TMTC1: variants seen among roughly 807,000 people sequenced by gnomAD.
TMTC1 encodes the protein transmembrane O-mannosyltransferase targeting cadherins 1.
Under a neutral mutation model 104.8 loss-of-function variants are expected in TMTC1, and 73 were observed. That is an observed-to-expected ratio of 0.70 (90% CI 0.58 to 0.85). The LOEUF is 0.85. TMTC1 is among the 40% of genes least tolerant of loss of function. TMTC1 has a pLI of 0.00. For missense variants in TMTC1, 1,035 were observed against 1,096.1 expected, an observed-to-expected ratio of 0.94 and a Z score of 0.79; for synonymous variants, 434 against 428.7, an observed-to-expected ratio of 1.01 and a Z score of -0.15.
intron 5 of TMTC1, among the ~76,000 whole-genome samples, chr12:29,686,963 T>A (rs1445380860): frequency 6.6e-6 from 1 of 151,600 alleles, no homozygotes; most frequent in Non-Finnish European, 1.5e-5. Context: ...CATGTTTTAA[T>A]ACATATGAGT....
intron 6 of TMTC1, among the ~76,000 whole-genome samples, chr12:29,606,453 G>A (rs1353599524): frequency 6.6e-6 from 1 of 152,158 alleles, no homozygotes; most frequent in Non-Finnish European, 1.5e-5. Context: ...CTTGTCAAAT[G>A]TTCCTCATTC....
intron 9 of TMTC1, chr12:29,568,797 G>A (rs939997097): frequency 5.0e-6 from 2 of 397,902 alleles, no homozygotes; most frequent in African/African-American, 4.2e-5. Context: ...GGCATTTCTT[G>A]GGAGTTTTTG....
At chr12:29,731,637 G>T (rs574957926) in intron 5 of TMTC1, among the ~76,000 whole-genome samples, 2 of 3,360 alleles carry the variant, frequency 6.0e-4, no homozygotes, top group African/African-American at 2.5e-3. Context: ...TAAATAACTC[G>T]ATAAGCAAGT....
chr12:29,692,320 G>A (rs1941290962), intron 5 of TMTC1, among the ~76,000 whole-genome samples: 1 of 143,394 alleles, frequency 7.0e-6, no homozygotes, highest in Non-Finnish European at 1.5e-5. Flanking sequence ...TCTATTGTTT[G>A]TTCTATGCCA....
intron 4 of TMTC1, 51 bp from the exon 5 acceptor site, chr12:29,751,923 T>G (rs1943101159): frequency 1.4e-6 from 2 of 1,472,212 alleles, no homozygotes; most frequent in Non-Finnish European, 1.8e-6. Flanking sequence ...ATGACAAGGC[T>G]TACAACAACC....
intron 5 of TMTC1, among the ~76,000 whole-genome samples, chr12:29,695,828 T>TATATATATAA (rs1243156784): frequency 1.9e-5 from 2 of 106,176 alleles, no homozygotes; most frequent in South Asian, 6.0e-4. Context: ...TATATATATA[T>TATATATATAA]AACCTGTCTT....
intron 5 of TMTC1, among the ~76,000 whole-genome samples, chr12:29,717,550 T>C (rs774925341): frequency 2.0e-5 from 3 of 152,244 alleles, no homozygotes; most frequent in Non-Finnish European, 2.9e-5. Context: ...TAATGCACAG[T>C]TTCACAAACC....
At chr12:29,618,269 A>T (rs1168393342) in intron 6 of TMTC1, among the ~76,000 whole-genome samples, 3 of 152,202 alleles carry the variant, frequency 2.0e-5, no homozygotes, top group Non-Finnish European at 4.4e-5. Context: ...TGAATGGGTA[A>T]AGTCAAAAGT....
chr12:29,608,006 A>G (rs547571471), intron 6 of TMTC1, among the ~76,000 whole-genome samples: 1 of 152,300 alleles, frequency 6.6e-6, no homozygotes, highest in Non-Finnish European at 1.5e-5. Flanking sequence ...GTTTTATTTC[A>G]TTTTGAGAAA....
At chr12:29,683,180 T>A (rs953036781) in intron 5 of TMTC1, among the ~76,000 whole-genome samples, 8 of 152,218 alleles carry the variant, frequency 5.3e-5, no homozygotes, top group African/African-American at 1.9e-4. Context: ...TGGAGATGGT[T>A]ACCCTTGTCG....
chr12:29,616,075 A>T (rs1946970881), intron 6 of TMTC1, among the ~76,000 whole-genome samples: 1 of 152,204 alleles, frequency 6.6e-6, no homozygotes, highest in African/African-American at 2.4e-5. Context: ...GAAACTCACA[A>T]GGCTTAGAGC....
At chr12:29,685,892 A>G (rs960184304) in intron 5 of TMTC1, among the ~76,000 whole-genome samples, 1 of 150,382 alleles carries the variant, frequency 6.6e-6, no homozygotes, top group African/African-American at 2.4e-5. Context: ...CATGCTTACT[A>G]TGGTTTAAAA....
In TMTC1 at chr12:29,517,653, G is replaced by A. The variant is rs933767479; in HGVS notation, c.2025-82C>T. 43 of 1,530,806 alleles carry A rather than the reference G, an allele frequency of 2.8e-5. 1 individual carries two copies. The highest frequency in any genetic ancestry group is 5.8e-5 in the South Asian group (5 of 85,758). The allele number at this position is 1,530,806 out of a possible 1,614,324, so 94.8% of individuals were successfully genotyped here. A position where few individuals can be genotyped will look rare whatever the true frequency, so the allele number is the denominator to read the frequency against. On this transcript the variant is annotated intron_variant, in intron 13 of 17. Transcript: ENST00000539277. ...GTCTAGGCTTAGATTTAGGGAAGAC[G>A]GTCCATGGTTTGAACCTCTGCTCCA...
chr12:29,669,282 G>C (rs146142603), intron 5 of TMTC1, among the ~76,000 whole-genome samples: 1 of 152,240 alleles, frequency 6.6e-6, no homozygotes, highest in African/African-American at 2.4e-5. Flanking sequence ...GTGGTGAACA[G>C]AGAGACTAAA....
intron 1 of TMTC1, among the ~76,000 whole-genome samples, chr12:29,779,146 C>A (rs1943777092): frequency 6.6e-6 from 1 of 152,240 alleles, no homozygotes; most frequent in African/African-American, 2.4e-5. Flanking sequence ...GAGCTGAGGG[C>A]CTGGGTGCTG....
At chr12:29,599,480 T>C (rs1946496605) in intron 7 of TMTC1, among the ~76,000 whole-genome samples, 1 of 152,202 alleles carries the variant, frequency 6.6e-6, no homozygotes, top group Non-Finnish European at 1.5e-5. Context: ...TTTCAGACCT[T>C]TTCTGGGTTG....
At chr12:29,723,665 T>C (rs963274032) in intron 5 of TMTC1, among the ~76,000 whole-genome samples, 3 of 151,866 alleles carry the variant, frequency 2.0e-5, no homozygotes, top group Admixed American at 6.6e-5. Context: ...TGAGCTAAGA[T>C]GGAGCCACTA....
chr12:29,549,078 A>G (rs977779197), intron 10 of TMTC1, among the ~76,000 whole-genome samples: 33 of 148,106 alleles, frequency 2.2e-4, no homozygotes, highest in African/African-American at 8.1e-4. Flanking sequence ...AAGAAAAATG[A>G]ACATACAAAG....
intron 5 of TMTC1, among the ~76,000 whole-genome samples, chr12:29,638,900 T>C (rs893429927): frequency 1.3e-5 from 2 of 152,194 alleles, no homozygotes; most frequent in African/African-American, 2.4e-5. Flanking sequence ...TGAATTACCA[T>C]TGATGTTTCA....
Sources: gnomAD v4.1 joint callset for allele counts (sites outside exome capture counted in the v4.1 genomes callset) on GRCh38, gnomAD v4.1.1 for gene constraint, MANE v1.5 for transcripts, NCBI Gene and HGNC (gene_info 2026-07-23, HGNC 2026-07-21) for gene names.